NLRP7: variants seen among roughly 807,000 people sequenced by gnomAD.
The protein encoded by NLRP7 is NACHT, LRR and PYD domains-containing protein 7.
Under a neutral mutation model 85.5 loss-of-function variants are expected in NLRP7, and 72 were observed. The ratio of observed to expected loss-of-function variants is 0.84; its 90% CI spans 0.70 to 1.02. NLRP7 has a LOEUF of 1.02. Among genes scored for constraint, NLRP7 ranks in the 50% least tolerant of loss-of-function variants. The probability of loss-of-function intolerance (pLI) is 0.00; values close to 1 mark genes in which losing one functional copy is unlikely to be tolerated. For missense variants in NLRP7, 1,243 were observed against 1,219.5 expected, an observed-to-expected ratio of 1.02 and a Z score of -0.29; for synonymous variants, 550 against 505.2, an observed-to-expected ratio of 1.09 and a Z score of -1.19.
At chr19:54,923,531 T>C in exon 10 of NLRP7, 1 of 629,604 alleles carries the variant, frequency 1.6e-6, no homozygotes, top group South Asian at 1.9e-5. Context: ...GCTCTAACTT[T>C]ATTATCCCTG....
At chr19:54,944,419 G>GCTCA (rs368102776) in intron 1 of NLRP7, among the ~76,000 whole-genome samples, 362 of 152,160 alleles carry the variant, frequency 2.4e-3, no homozygotes, top group African/African-American at 8.0e-3. Flanking sequence ...ACAGACATTT[G>GCTCA]CTCACATGTT....
intron 1 of NLRP7, among the ~76,000 whole-genome samples, chr19:54,942,678 G>A (rs1235126212): frequency 1.3e-5 from 2 of 152,034 alleles, no homozygotes; most frequent in African/African-American, 4.8e-5. Context: ...TCACGCCATT[G>A]CACTCGAGCC....
intron 1 of NLRP7, among the ~76,000 whole-genome samples, chr19:54,965,539 T>C (rs2070333794): frequency 1.1e-5 from 1 of 93,304 alleles, no homozygotes; most frequent in Admixed American, 1.0e-4. Flanking sequence ...CACTGCAAGC[T>C]CCGCCTCCCG....
intron 1 of NLRP7, among the ~76,000 whole-genome samples, chr19:54,944,229 C>T (rs1425746840): frequency 6.6e-6 from 1 of 151,884 alleles, no homozygotes; most frequent in African/African-American, 2.4e-5. Flanking sequence ...CTGCTCGTCC[C>T]TGGGCAATGG....
chr19:54,932,696 C>T (rs1602134656), intron 8 of NLRP7, among the ~76,000 whole-genome samples: 2 of 152,122 alleles, frequency 1.3e-5, no homozygotes, highest in East Asian at 3.9e-4. Flanking sequence ...CACTCTGTCG[C>T]CCGGGCTGGA....
chr19:54,951,505 G>A (rs983711322), upstream of NLRP7, among the ~76,000 whole-genome samples: 5 of 151,958 alleles, frequency 3.3e-5, no homozygotes, highest in Non-Finnish European at 5.9e-5. Flanking sequence ...AGCCGAGGTC[G>A]CACGACTGCA....
At chr19:54,933,493 A>G in intron 8 of NLRP7, 76 bp downstream of exon 8, 1 of 1,562,224 alleles carries the variant, frequency 6.4e-7, no homozygotes, top group Non-Finnish European at 8.8e-7. Context: ...TACATTTGAA[A>G]TGAATTAACA....
intron 1 of NLRP7, among the ~76,000 whole-genome samples, chr19:54,943,707 A>G (rs2069343882): frequency 1.3e-5 from 2 of 152,194 alleles, no homozygotes; most frequent in Admixed American, 1.3e-4. Flanking sequence ...CTTGGAGGGA[A>G]CAGCAAATCT....
chr19:54,963,381 CAT>C (rs1165691087), intron 1 of NLRP7, among the ~76,000 whole-genome samples: 2 of 151,790 alleles, frequency 1.3e-5, no homozygotes, highest in Non-Finnish European at 2.9e-5. Flanking sequence ...TGTACATATA[CAT>C]ATGTTGGTTC....
At chr19:54,946,446 G>C (rs1334486700) in intron 1 of NLRP7, among the ~76,000 whole-genome samples, 1 of 147,458 alleles carries the variant, frequency 6.8e-6, no homozygotes, top group Non-Finnish European at 1.5e-5. Context: ...CCCGGCCTCA[G>C]GTGATCTGAA....
chr19:54,941,435 C>A lies in NLRP7; in HGVS notation c.277G>T (p.Glu93Ter), dbSNP rs2069219291. Residue 93 changes from glutamate to a stop codon, truncating the protein, a stop_gained and splice_region_variant, in exon 2 of 10, where the codon GAG (glutamate) becomes TAG (stop). Transcript: ENST00000340844. LOFTEE classifies it high-confidence loss of function. ...CCAGGACACCCCAGGTTCTACTTAC[C>A]CATCATCTCAGCCTTTGCCATCTTA... 6.4e-7 allele frequency: 1 copy of A among 1,557,128 alleles called. No homozygotes were observed. Among genetic ancestry groups the A allele is most frequent in the African/African-American group, 1.4e-5 (1 of 73,228 alleles).
chr19:54,960,689 G>A (rs1037842356), intron 1 of NLRP7, among the ~76,000 whole-genome samples: 22 of 152,104 alleles, frequency 1.4e-4, no homozygotes, highest in South Asian at 4.1e-4. Context: ...TCCGCCTCCC[G>A]GATTCACGCC....
chr19:54,926,864 CGA>C (rs2068460683), intron 9 of NLRP7, among the ~76,000 whole-genome samples: 1 of 148,368 alleles, frequency 6.7e-6, no homozygotes, highest in African/African-American at 2.5e-5. Flanking sequence ...TGCACTGAGC[CGA>C]GATAGCGCCA....
At chr19:54,933,354 C>T (rs1257800450) in intron 8 of NLRP7, among the ~76,000 whole-genome samples, 2 of 152,138 alleles carry the variant, frequency 1.3e-5, no homozygotes, top group South Asian at 2.1e-4. Flanking sequence ...ACCATGTTAA[C>T]CAGGATGGTC....
intron 9 of NLRP7, 125 bp downstream of exon 10, chr19:54,927,480 T>G: frequency 1.2e-6 from 1 of 860,584 alleles, no homozygotes; most frequent in South Asian, 1.4e-5. Flanking sequence ...TGCTTGAACC[T>G]GAGAGGCAGA....
At chr19:54,931,781 C>T (rs1277091147) in intron 8 of NLRP7, among the ~76,000 whole-genome samples, 4 of 151,322 alleles carry the variant, frequency 2.6e-5, no homozygotes, top group Admixed American at 2.0e-4. Context: ...ACCCAGGAAG[C>T]GGAGGTTGCA....
chr19:54,942,123 G>C (rs150274692), intron 1 of NLRP7, among the ~76,000 whole-genome samples: 1 of 152,022 alleles, frequency 6.6e-6, no homozygotes, highest in Non-Finnish European at 1.5e-5. Flanking sequence ...GGGCGTGGTG[G>C]CGGGCACCTG....
At chr19:54,943,550 G>A (rs1007961358) in intron 1 of NLRP7, among the ~76,000 whole-genome samples, 1 of 144,956 alleles carries the variant, frequency 6.9e-6, no homozygotes. Context: ...GCAGTGAGCG[G>A]AGATCGCGCC....
At chr19:54,961,595 G>C (rs2924826) in intron 1 of NLRP7, among the ~76,000 whole-genome samples, 23,585 of 151,672 alleles carry the variant, frequency 0.16, 2,263 homozygotes, top group Non-Finnish European at 0.21. Context: ...CCAGCACTTT[G>C]GGAAGCCGAG....
Sources: gnomAD v4.1 joint callset for allele counts (sites outside exome capture counted in the v4.1 genomes callset) on GRCh38, gnomAD v4.1.1 for gene constraint, MANE v1.5 for transcripts, NCBI Gene and HGNC (gene_info 2026-07-23, HGNC 2026-07-21) for gene names.